TYW5: variants seen among roughly 807,000 people sequenced by gnomAD.
The protein encoded by TYW5 is tRNA wybutosine-synthesizing protein 5.
A neutral mutation model predicts 44.4 loss-of-function variants in TYW5; 36 were observed. The ratio of observed to expected loss-of-function variants is 0.81; its 90% CI spans 0.62 to 1.07. The LOEUF (loss-of-function observed/expected upper bound fraction) is 1.07. Ranked by LOEUF, TYW5 falls within the 50% of genes least tolerant of loss-of-function variation. The pLI is 0.00. For missense variants in TYW5, 354 were observed against 365.7 expected, an observed-to-expected ratio of 0.97 and a Z score of 0.26; for synonymous variants, 121 against 128.1, an observed-to-expected ratio of 0.94 and a Z score of 0.37.
chr2:199,952,808 T>C (rs557548248), intron 1 of TYW5, among the ~76,000 whole-genome samples: 1 of 152,352 alleles, frequency 6.6e-6, no homozygotes, highest in South Asian at 2.1e-4. Flanking sequence ...CCGAGTGTAC[T>C]CACAACTTGT....
chr2:199,935,807 C>A, intron 7 of TYW5, 124 bp downstream of exon 7: 1 of 647,108 alleles, frequency 1.5e-6, no homozygotes, highest in Non-Finnish European at 2.7e-6. Context: ...TAAAAATCAT[C>A]TTGTATAGGA....
At chr2:199,944,014 G>A (rs1314385045) in intron 2 of TYW5, 180 bp from the exon 3 acceptor site, 1 of 483,182 alleles carries the variant, frequency 2.1e-6, no homozygotes, top group Non-Finnish European at 3.6e-6. Context: ...TGAGCAGTAT[G>A]TTTACTTGAT....
intron 7 of TYW5, 93 bp downstream of exon 7, chr2:199,935,838 T>A: frequency 1.3e-6 from 1 of 799,100 alleles, no homozygotes; most frequent in Non-Finnish European, 2.1e-6. Context: ...ATAACAAATA[T>A]ATATTTGTAC....
intron 2 of TYW5, chr2:199,947,063 C>A (rs1000215915): frequency 6.6e-6 from 1 of 152,126 alleles, no homozygotes; most frequent in Non-Finnish European, 1.5e-5. Context: ...AGTTCCTACA[C>A]TTGGAAAAAC....
rs147669418 is a variant in TYW5 at position 199,945,901 on chromosome 2, T to C, written c.234-2067A>G. ...TTAGGTATGTAAATTGGGAAGTTCT[T>C]TGGCTTTTTAAAAATCTATCCTATC... is the stretch of plus-strand genomic sequence containing the variant. On this transcript the variant is annotated intron_variant, in intron 2 of 7. Coordinates refer to ENST00000354611, the MANE Select transcript of TYW5 (RefSeq NM_001039693.3). The C allele has an allele frequency of 3.9e-5, 6 of 152,330 alleles. No homozygotes were observed. The East Asian group carries it at 1.2e-3, about 29-fold the overall frequency. The allele number at this position is 152,330 out of a possible 1,614,324, so 9.4% of individuals were successfully genotyped here. A position where few individuals can be genotyped will look rare whatever the true frequency, so the allele number is the denominator to read the frequency against.
intron 3 of TYW5, chr2:199,942,616 T>C (rs1050626597): frequency 1.3e-5 from 2 of 152,154 alleles, no homozygotes; most frequent in Non-Finnish European, 2.9e-5. Context: ...AAAACAGTTC[T>C]CAGGTGCAGC....
chr2:199,929,251 G>A lies in TYW5; in HGVS notation c.*3816C>T, dbSNP rs928683146. On this transcript the variant is annotated 3_prime_UTR_variant, in exon 8 of 8. Coordinates refer to ENST00000354611, the MANE Select transcript of TYW5 (RefSeq NM_001039693.3). ...TACCTAATGTAAATGACGAGTTAAC[G>A]GGTGCAGCACACCAACATGGCACAT... Among the ~76,000 whole-genome samples the A allele has an allele frequency of 6.6e-6, 1 of 152,124 alleles. No individual in the cohort carries two copies. The highest frequency in any genetic ancestry group is 2.4e-5 in the African/African-American group (1 of 41,410).
Position 199,943,816 on chromosome 2 carries a change from C to T in TYW5, c.252G>A (p.Gln84=), listed in dbSNP as rs1030684228. ...NFVYRTLPFD[Q]LVQRAAEEKH... is the part of the protein sequence containing the mutation. ...TCTCTTCAGCTGCCCTCTGGACCAA[C>T]TGGTCAAAAGGTAAAGTTCTGAAAT... The change falls in exon 3 of 8, where the codon CAG becomes CAA. Residue 84 remains glutamine, a synonymous_variant. Transcript: ENST00000354611. The T allele has an allele frequency of 5.6e-6, 9 of 1,609,604 alleles. No individual in the cohort carries two copies. The highest frequency in any genetic ancestry group is 4.0e-5 in the African/African-American group (3 of 74,632).
intron 4 of TYW5, among the ~76,000 whole-genome samples, chr2:199,939,853 T>C (rs975525968): frequency 1.3e-5 from 2 of 152,192 alleles, no homozygotes; most frequent in African/African-American, 4.8e-5. Context: ...AGATTTCTTA[T>C]TGTATAGGGA....
Position 199,930,482 on chromosome 2 carries a change from A to G in TYW5, c.*2585T>C, listed in dbSNP as rs977397316. ...TTTTCATGTAACATTTAATTTTTCT[A>G]TTTTTAGTAGAGACGGGGTTTTACC... On this transcript the variant is annotated 3_prime_UTR_variant, in exon 8 of 8. Coordinates refer to ENST00000354611, the MANE Select transcript of TYW5 (RefSeq NM_001039693.3). 1 of 152,152 alleles carries G rather than the reference A, an allele frequency of 6.6e-6. No homozygotes were observed. The highest frequency in any genetic ancestry group is 2.4e-5 in the African/African-American group (1 of 41,428). 9.4% of individuals were successfully genotyped at this position (152,152 alleles called of 1,614,324 possible). A position where few individuals can be genotyped will look rare whatever the true frequency, so the allele number is the denominator to read the frequency against.
At position 199,936,001 on chromosome 2, in the gene TYW5, T is replaced by G; in HGVS notation, c.621A>C (p.Lys207Asn). 1 of 1,613,236 alleles carries G rather than the reference T, an allele frequency of 6.2e-7. No homozygotes were observed. Among genetic ancestry groups the G allele is most frequent in the Non-Finnish European group, 8.5e-7 (1 of 1,179,456 alleles). ...TTCTAGCCTTGGAAAAAAGTGGATA[T>G]TTAGCCAAGTCTGGGTTATCTATAT... ...VLNIDNPDLA[K>N]YPLFSKARRY... Residue 207 changes from lysine to asparagine, a missense_variant, in exon 7 of 8, where the codon AAA (lysine) becomes AAC (asparagine). Transcript: ENST00000354611.
chr2:199,939,091 A>C, intron 4 of TYW5, 21 bp from the exon 5 acceptor site: 1 of 1,581,756 alleles, frequency 6.3e-7, no homozygotes, highest in South Asian at 1.2e-5. Context: ...AGAAACATAA[A>C]AAGAAAAAAT....
chr2:199,937,603 TGGTTGCAG>T (rs2077430884), intron 5 of TYW5, among the ~76,000 whole-genome samples: 2 of 152,046 alleles, frequency 1.3e-5, no homozygotes, highest in African/African-American at 4.8e-5. Context: ...TGGGAGGGAC[TGGTTGCAG>T]TGAGCCAGGA....
At position 199,931,966 on chromosome 2, in the gene TYW5, T is replaced by A. The variant is rs1345508131; in HGVS notation, c.*1101A>T. The A allele has an allele frequency of 6.6e-6, 1 of 152,148 alleles. No individual in the cohort carries two copies. The highest frequency in any genetic ancestry group is 1.9e-4 in the East Asian group (1 of 5,192). 9.4% of individuals were successfully genotyped at this position (152,148 alleles called of 1,614,324 possible). On this transcript the variant is annotated 3_prime_UTR_variant, in exon 8 of 8. Transcript: ENST00000354611. Reference sequence around the variant, plus strand: ...AGTAATTTTTCTTTTAAAAAAGGGATAGGTGGAAAAAATAGTTGGGAAATC... The same window carrying A: ...AGTAATTTTTCTTTTAAAAAAGGGAAAGGTGGAAAAAATAGTTGGGAAATC...
intron 2 of TYW5, chr2:199,944,934 T>C (rs2077492512): frequency 6.6e-6 from 1 of 152,148 alleles, no homozygotes; most frequent in Middle Eastern, 3.2e-3. Context: ...TAAAGATAAA[T>C]GTGGAATGTC....
chr2:199,936,376 G>C (rs2105692698), intron 6 of TYW5, 29 bp downstream of exon 6: 1 of 1,570,378 alleles, frequency 6.4e-7, no homozygotes, highest in Non-Finnish European at 8.7e-7. Context: ...ATAGACTTTT[G>C]AAATATAAAC....
chr2:199,935,938 G>GAAT lies in TYW5; in HGVS notation c.681_683dup (p.Leu227dup), dbSNP rs747446828. On this transcript the variant is annotated inframe_insertion, in exon 7 of 8. Transcript: ENST00000354611. ...GAGGTCTAGAAATCTTACCAGGAATGAATAATACATCACCAGCTTCAAGGG... is the reference window on the plus strand; with the variant it reads ...GAGGTCTAGAAATCTTACCAGGAATGAATAATAATACATCACCAGCTTCAAGGG... 1 of 1,602,738 alleles carries GAAT rather than the reference G, an allele frequency of 6.2e-7. No homozygotes were observed. Among genetic ancestry groups the GAAT allele is most frequent in the Non-Finnish European group, 8.5e-7 (1 of 1,170,786 alleles).
Position 199,929,380 on chromosome 2 carries a change from C to G in TYW5, c.*3687G>C, listed in dbSNP as rs770447318. Among the ~76,000 whole-genome samples, 1 of 152,034 alleles carries G rather than the reference C, an allele frequency of 6.6e-6. No individual in the cohort carries two copies. The highest frequency in any genetic ancestry group is 1.5e-5 in the Non-Finnish European group (1 of 68,010). Reference sequence around the variant, plus strand: ...CTACAACTTAGGTATATTTAAGACACCCAAAAACTTGTGGCTTGTATGCTT... The same window carrying G: ...CTACAACTTAGGTATATTTAAGACAGCCAAAAACTTGTGGCTTGTATGCTT... On this transcript the variant is annotated 3_prime_UTR_variant, in exon 8 of 8. Transcript: ENST00000354611.
chr2:199,933,113 A>G lies in TYW5; in HGVS notation c.902T>C (p.Met301Thr). The change falls in exon 8 of 8, where the codon ATG becomes ACG. Residue 301 changes from methionine (M) to threonine (T), a missense_variant. By Grantham distance (81) the Met-to-Thr change is moderately conservative (BLOSUM62 -1). Transcript: ENST00000354611. The part of the protein sequence containing the change: ...EEYRDFYARR[M>T]VLHIQDKAYS... ...GGCTTTGTCTTGAATGTGTAGGACC[A>G]TTCGTCGTGCATAGAAGTCCCTATA... 6.2e-7 allele frequency: 1 copy of G among 1,614,172 alleles called. No homozygotes were observed.
Sources: gnomAD v4.1 joint callset for allele counts (sites outside exome capture counted in the v4.1 genomes callset) on GRCh38, gnomAD v4.1.1 for gene constraint, MANE v1.5 for transcripts, NCBI Gene and HGNC (gene_info 2026-07-23, HGNC 2026-07-21) for gene names.